The following FBXL17 variants were observed in gnomAD, a reference collection of about 807,000 sequenced individuals.
FBXL17 encodes F-box and leucine rich repeat protein 17.
Under a neutral mutation model 66.2 loss-of-function variants are expected in FBXL17, and 22 were observed. That is an observed-to-expected ratio of 0.33 (90% CI 0.24 to 0.47). FBXL17 has a LOEUF of 0.47. FBXL17 is among the 20% of genes least tolerant of loss of function. The probability of loss-of-function intolerance (pLI) is 1.00; values close to 1 mark genes in which losing one functional copy is unlikely to be tolerated. For missense variants in FBXL17, 878 were observed against 948.2 expected, an observed-to-expected ratio of 0.93 and a Z score of 0.97; for synonymous variants, 474 against 400.5, an observed-to-expected ratio of 1.18 and a Z score of -2.19.
At chr5:107,894,621 A>G (rs2112522493) in intron 7 of FBXL17, among the ~76,000 whole-genome samples, 1 of 152,246 alleles carries the variant, frequency 6.6e-6, no homozygotes, top group East Asian at 1.9e-4. Context: ...GCAATGACTT[A>G]AGAAGAAAAC....
intron 4 of FBXL17, among the ~76,000 whole-genome samples, chr5:108,261,160 C>A (rs775518126): frequency 5.3e-5 from 8 of 151,138 alleles, no homozygotes; most frequent in Non-Finnish European, 1.2e-4. Context: ...TCCTAAAAGA[C>A]AATAGAAAAT....
intron 6 of FBXL17, among the ~76,000 whole-genome samples, chr5:108,162,390 G>A (rs1309052061): frequency 2.0e-5 from 3 of 152,084 alleles, no homozygotes; most frequent in Non-Finnish European, 2.9e-5. Context: ...CAGCTACTCG[G>A]GAGACTGAAG....
At chr5:108,322,147 C>T (rs1040608940) in intron 4 of FBXL17, among the ~76,000 whole-genome samples, 4 of 151,856 alleles carry the variant, frequency 2.6e-5, no homozygotes, top group African/African-American at 7.2e-5. Context: ...GCAATATCTA[C>T]GAAAATCACA....
At chr5:108,363,629 C>T (rs1748481558) in intron 3 of FBXL17, among the ~76,000 whole-genome samples, 1 of 151,868 alleles carries the variant, frequency 6.6e-6, no homozygotes, top group Non-Finnish European at 1.5e-5. Context: ...ACTTGATTAG[C>T]ATATTAAATG....
chr5:108,227,501 C>G (rs1755150585), intron 4 of FBXL17, among the ~76,000 whole-genome samples: 1 of 152,166 alleles, frequency 6.6e-6, no homozygotes. Flanking sequence ...ATGAGATCGA[C>G]AAATTTAACA....
Position 108,348,538 on chromosome 5 carries a change from C to CA in FBXL17, c.1375-9dup. ...TCTGCATTTTGAGCCCAGCTGTAAACAAACAGATTTAGCTGAATGCTCAAA... is the reference window on the plus strand; with the variant it reads ...TCTGCATTTTGAGCCCAGCTGTAAACAAAACAGATTTAGCTGAATGCTCAAA... On this transcript the variant is annotated splice_polypyrimidine_tract_variant and intron_variant, in intron 3 of 8. Transcript: ENST00000542267. The CA allele has an allele frequency of 6.2e-7, 1 of 1,607,720 alleles. No individual in the cohort carries two copies. Among genetic ancestry groups the CA allele is most frequent in the East Asian group, 2.2e-5 (1 of 44,686 alleles).
intron 6 of FBXL17, among the ~76,000 whole-genome samples, chr5:108,147,590 T>C (rs1751608698): frequency 6.6e-6 from 1 of 152,104 alleles, no homozygotes; most frequent in African/African-American, 2.4e-5. Context: ...AAATAACACA[T>C]ATGTAATTGG....
intron 1 of FBXL17, among the ~76,000 whole-genome samples, chr5:108,374,225 C>T (rs1580920774): frequency 1.3e-5 from 2 of 152,320 alleles, no homozygotes; most frequent in African/African-American, 2.4e-5. Context: ...TAGAACACTA[C>T]ACAAAATAGA....
intron 7 of FBXL17, among the ~76,000 whole-genome samples, chr5:107,888,085 T>C (rs1315675842): frequency 1.3e-5 from 2 of 152,222 alleles, no homozygotes; most frequent in East Asian, 3.8e-4. Flanking sequence ...CTTCCTATTA[T>C]CTATAGTAAA....
At chr5:107,993,225 A>G (rs1415807460) in intron 7 of FBXL17, among the ~76,000 whole-genome samples, 3 of 152,004 alleles carry the variant, frequency 2.0e-5, no homozygotes, top group African/African-American at 7.2e-5. Context: ...TATCACTTGT[A>G]CTTTTCTTAT....
At chr5:108,254,404 C>T (rs1756488376) in intron 4 of FBXL17, among the ~76,000 whole-genome samples, 1 of 152,102 alleles carries the variant, frequency 6.6e-6, no homozygotes, top group African/African-American at 2.4e-5. Flanking sequence ...CCTGTCAATT[C>T]CCAACTATAC....
chr5:107,907,706 A>G (rs2112541854), intron 7 of FBXL17, among the ~76,000 whole-genome samples: 1 of 152,310 alleles, frequency 6.6e-6, no homozygotes, highest in South Asian at 2.1e-4. Flanking sequence ...GCTCACCATC[A>G]CTGGCCATCA....
chr5:108,303,393 C>CACAT (rs67424451), intron 4 of FBXL17, among the ~76,000 whole-genome samples: 30 of 149,324 alleles, frequency 2.0e-4, no homozygotes, highest in African/African-American at 7.4e-4. Flanking sequence ...CACACACACA[C>CACAT]ACATACCCAC....
intron 4 of FBXL17, among the ~76,000 whole-genome samples, chr5:108,266,231 T>TA (rs1201301677): frequency 6.6e-6 from 1 of 152,156 alleles, no homozygotes; most frequent in Non-Finnish European, 1.5e-5. Context: ...TAGTCTCCCT[T>TA]ATCCATAGTT....
intron 7 of FBXL17, among the ~76,000 whole-genome samples, chr5:107,987,629 G>A (rs935664842): frequency 1.4e-4 from 21 of 151,952 alleles, no homozygotes; most frequent in African/African-American, 5.1e-4. Context: ...GTGTCCAGAA[G>A]ATAAAACCTC....
At chr5:108,171,314 A>G (rs981669121) in intron 6 of FBXL17, among the ~76,000 whole-genome samples, 1 of 152,164 alleles carries the variant, frequency 6.6e-6, no homozygotes, top group Non-Finnish European at 1.5e-5. Flanking sequence ...ATTCAGAATA[A>G]GGTGTTGGAG....
intron 6 of FBXL17, among the ~76,000 whole-genome samples, chr5:108,142,578 C>T (rs1751391399): frequency 6.6e-6 from 1 of 152,090 alleles, no homozygotes; most frequent in Non-Finnish European, 1.5e-5. Flanking sequence ...GATTTTTTCG[C>T]CTAGAGCCTA....
chr5:108,044,006 T>C (rs373769400), intron 6 of FBXL17, among the ~76,000 whole-genome samples: 2 of 152,234 alleles, frequency 1.3e-5, no homozygotes, highest in Admixed American at 6.5e-5. Flanking sequence ...TCATTGCTAG[T>C]ATACAGAAAT....
chr5:107,898,940 C>T (rs999839894), intron 7 of FBXL17, among the ~76,000 whole-genome samples: 9 of 152,118 alleles, frequency 5.9e-5, no homozygotes, highest in Admixed American at 1.3e-4. Context: ...GTGCATGTGT[C>T]TTTATAATAG....
Sources: allele counts gnomAD v4.1 joint callset (sites outside exome capture counted in the v4.1 genomes callset), GRCh38; gene constraint gnomAD v4.1.1; transcripts MANE v1.5; gene names NCBI Gene and HGNC (gene_info 2026-07-23, HGNC 2026-07-21).